Variants in GLIPR1L1 observed in about 807,000 individuals in gnomAD.
The protein encoded by GLIPR1L1 is GLIPR1-like protein 1.
GLIPR1L1 carries 26 observed loss-of-function variants against 29.9 expected under a neutral mutation model. The observed-to-expected ratio is 0.87, with a 90% confidence interval of 0.64 to 1.21. The LOEUF (loss-of-function observed/expected upper bound fraction) is 1.21, where lower values mean the gene tolerates loss of function less well. Among genes scored for constraint, GLIPR1L1 ranks in the 50% most tolerant of loss-of-function variants. GLIPR1L1 has a pLI of 0.00. For missense variants in GLIPR1L1, 305 were observed against 290.3 expected (o/e 1.05, Z -0.37); for synonymous variants, 77 against 97.5 (o/e 0.79, Z 1.24).
At chr12:75,340,398 A>G (rs1265487372) in intron 1 of GLIPR1L1, among the ~76,000 whole-genome samples, 1 of 151,746 alleles carries the variant, frequency 6.6e-6, no homozygotes, top group East Asian at 1.9e-4. Context: ...TAATGCCTAT[A>G]AGAAAAGAAA....
At position 75,343,720 on chromosome 12, in the gene GLIPR1L1, G is replaced by A; in HGVS notation, c.202G>A (p.Ala68Thr). 1 of 1,610,994 alleles carries A rather than the reference G, an allele frequency of 6.2e-7. No homozygotes were observed. The highest frequency in any genetic ancestry group is 1.7e-4 in the Middle Eastern group (1 of 6,050). Residue 68 changes from alanine to threonine, a missense_variant, in exon 2 of 6, where the codon GCT becomes ACT. Coordinates refer to ENST00000378695, the MANE Select transcript of GLIPR1L1 (RefSeq NM_001304964.2). ...TTGGGATAAAGGTTTAGCAAAGATGGCTAAAGCATGGGCAAACCAGTGCAA... is the reference window on the plus strand; with the variant it reads ...TTGGGATAAAGGTTTAGCAAAGATGACTAAAGCATGGGCAAACCAGTGCAA... ...MIWDKGLAKM[A>T]KAWANQCKFE...
chr12:75,345,939 G>C (rs888868101), intron 2 of GLIPR1L1, among the ~76,000 whole-genome samples: 20 of 152,140 alleles, frequency 1.3e-4, no homozygotes, highest in Non-Finnish European at 2.8e-4. Context: ...TAAGTAATTA[G>C]GAATGGTTAT....
intron 4 of GLIPR1L1, among the ~76,000 whole-genome samples, chr12:75,367,694 A>G (rs1012252719): frequency 2.0e-5 from 3 of 152,090 alleles, no homozygotes; most frequent in Non-Finnish European, 4.4e-5. Context: ...TATTTCTGAC[A>G]GTTTATTGAT....
chr12:75,359,770 T>C (rs1296972666), intron 3 of GLIPR1L1: 1 of 152,122 alleles, frequency 6.6e-6, no homozygotes, highest in Non-Finnish European at 1.5e-5. Flanking sequence ...ACTGGAACAA[T>C]TAGTTATCCA....
chr12:75,369,280 T>C (rs2044196628), intron 4 of GLIPR1L1, among the ~76,000 whole-genome samples: 1 of 151,968 alleles, frequency 6.6e-6, no homozygotes, highest in Non-Finnish European at 1.5e-5. Context: ...TTTTGTAGCA[T>C]TCATCGCTGA....
At chr12:75,361,441 C>T (rs996766792) in intron 3 of GLIPR1L1, among the ~76,000 whole-genome samples, 23 of 152,168 alleles carry the variant, frequency 1.5e-4, no homozygotes, top group African/African-American at 5.5e-4. Context: ...ACCAGGAACC[C>T]AACCCTATCT....
chr12:75,345,366 T>A (rs2042382158), intron 2 of GLIPR1L1, among the ~76,000 whole-genome samples: 1 of 152,134 alleles, frequency 6.6e-6, no homozygotes, highest in Non-Finnish European at 1.5e-5. Flanking sequence ...TTATTTCAGA[T>A]AGAAGTGTAA....
intron 3 of GLIPR1L1, chr12:75,360,958 C>T (rs1226932423): frequency 6.6e-6 from 1 of 152,162 alleles, no homozygotes; most frequent in Non-Finnish European, 1.5e-5. Flanking sequence ...CTTTCTTCCC[C>T]TTAGCTCAGA....
intron 4 of GLIPR1L1, among the ~76,000 whole-genome samples, chr12:75,367,841 CA>C (rs1235058875): frequency 1.3e-5 from 2 of 152,096 alleles, no homozygotes; most frequent in African/African-American, 4.8e-5. Context: ...CAATGTTGAG[CA>C]TAAGCTGTAA....
chr12:75,341,580 G>A (rs111467925), intron 1 of GLIPR1L1, among the ~76,000 whole-genome samples: 1,616 of 151,906 alleles, frequency 0.011, 20 homozygotes, highest in African/African-American at 0.032. Context: ...CGGAGTAACT[G>A]AGACTACAGG....
At chr12:75,341,316 C>T (rs1383657299) in intron 1 of GLIPR1L1, among the ~76,000 whole-genome samples, 1 of 152,192 alleles carries the variant, frequency 6.6e-6, no homozygotes, top group Non-Finnish European at 1.5e-5. Flanking sequence ...ATGACTTGGT[C>T]ACTAAATGGA....
chr12:75,362,835 C>T lies in GLIPR1L1; in HGVS notation c.522-267C>T, dbSNP rs559787877. Among the ~76,000 whole-genome samples, 3 of 152,244 alleles carry T rather than the reference C, an allele frequency of 2.0e-5. 1 individual carries two copies. In the South Asian group the frequency reaches 6.2e-4, roughly 32 times the overall value. Reference sequence around the variant, plus strand: ...ACTATCTATGACAAAAACTTTGCAACTATCACATGCATAATTACACTGGGT... The same window carrying T: ...ACTATCTATGACAAAAACTTTGCAATTATCACATGCATAATTACACTGGGT... On this transcript the variant is annotated intron_variant, in intron 3 of 5. Coordinates refer to ENST00000378695, the MANE Select transcript of GLIPR1L1 (RefSeq NM_001304964.2).
At chr12:75,353,536 A>T (rs1159407238) in intron 3 of GLIPR1L1, among the ~76,000 whole-genome samples, 1 of 152,182 alleles carries the variant, frequency 6.6e-6, no homozygotes, top group Non-Finnish European at 1.5e-5. Flanking sequence ...ACAGGACCAG[A>T]CAGATTTACA....
Position 75,367,113 on chromosome 12 carries a change from G to A in GLIPR1L1, c.611-2847G>A, listed in dbSNP as rs943002121. The stretch of plus-strand genomic sequence containing the variant: ...TAATTTGGGGAGAAAACGTAATGGA[G>A]AAGACACTTTAGAATACACCTCCAA... On this transcript the variant is annotated intron_variant, in intron 4 of 5. Coordinates refer to ENST00000378695, the MANE Select transcript of GLIPR1L1 (RefSeq NM_001304964.2). 5 of 684,668 alleles carry A rather than the reference G, an allele frequency of 7.3e-6. No homozygotes were observed. The African/African-American group carries it at 8.8e-5, about 12-fold the overall frequency. The allele number at this position is 684,668 out of a possible 1,614,324, so 42.4% of individuals were successfully genotyped here. A position where few individuals can be genotyped will look rare whatever the true frequency, so the allele number is the denominator to read the frequency against.
chr12:75,361,452 G>A (rs2043586015), intron 3 of GLIPR1L1, among the ~76,000 whole-genome samples: 1 of 152,178 alleles, frequency 6.6e-6, no homozygotes, highest in African/African-American at 2.4e-5. Flanking sequence ...AACCCTATCT[G>A]CCTAGGCATC....
At chr12:75,350,614 G>A (rs1418936231) in intron 3 of GLIPR1L1, among the ~76,000 whole-genome samples, 1 of 152,114 alleles carries the variant, frequency 6.6e-6, no homozygotes, top group Non-Finnish European at 1.5e-5. Context: ...CTACAGAAAA[G>A]GGGCCTTACT....
intron 4 of GLIPR1L1, chr12:75,366,733 T>G: frequency 3.3e-6 from 2 of 610,004 alleles, no homozygotes; most frequent in South Asian, 3.8e-5. Flanking sequence ...TGGGTGAGAC[T>G]GCAGTGTTTT....
chr12:75,351,617 A>T (rs2042821214), intron 3 of GLIPR1L1, among the ~76,000 whole-genome samples: 1 of 148,634 alleles, frequency 6.7e-6, no homozygotes, highest in African/African-American at 2.5e-5. Context: ...TGTGATCTTG[A>T]CTTACTACCA....
Position 75,334,854 on chromosome 12 carries a change from C to A in GLIPR1L1, c.126C>A (p.Asn42Lys). The A allele has an allele frequency of 6.2e-7, 1 of 1,614,144 alleles. No individual in the cohort carries two copies. Reference protein sequence around the residue: ...HFIDNCIEAHNEWRGKVNPPA... With the variant: ...HFIDNCIEAHKEWRGKVNPPA... ...TAGACAACTGCATAGAAGCCCACAACGAATGGCGTGGCAAAGTCAACCCTC... is the reference window on the plus strand; with the variant it reads ...TAGACAACTGCATAGAAGCCCACAAAGAATGGCGTGGCAAAGTCAACCCTC... Residue 42 changes from asparagine to lysine, a missense_variant, in exon 1 of 6, where the codon AAC becomes AAA. Transcript: ENST00000378695.
Sources: gnomAD v4.1 joint callset for allele counts (sites outside exome capture counted in the v4.1 genomes callset) on GRCh38, gnomAD v4.1.1 for gene constraint, MANE v1.5 for transcripts, NCBI Gene and HGNC (gene_info 2026-07-23, HGNC 2026-07-21) for gene names.